Variants in PHACTR3 observed in about 807,000 individuals in gnomAD.
PHACTR3 encodes the protein protein phosphatase 1, regulatory subunit 123.
In PHACTR3, 16 loss-of-function variants were observed where a neutral mutation model predicts 66.8. That is an observed-to-expected ratio of 0.24 (90% CI 0.16 to 0.36). The LOEUF is 0.36. PHACTR3 is among the 10% of genes least tolerant of loss of function. PHACTR3 has a pLI of 1.00. For synonymous variants in PHACTR3, 323 were observed against 292.1 expected (o/e 1.11, Z -1.08); for missense variants, 647 against 719.9 (o/e 0.90, Z 1.16).
chr20:59,836,556 G>A lies in PHACTR3; in HGVS notation c.1380G>A (p.Leu460=), dbSNP rs2058970087. 1.9e-6 allele frequency: 3 copies of A among 1,610,878 alleles called. No individual in the cohort carries two copies. In the African/African-American group the frequency reaches 4.0e-5, roughly 22 times the overall value. ...AVEELERRNI[L]KQRNDQTEQE... is the part of the protein sequence containing the mutation. ...AAGAGCTGGAGAGAAGAAATATCTT[G>A]AAACGTGAGTAGCTGGTGATTCCTC... The change falls in exon 9 of 13, where the codon TTG becomes TTA. Residue 460 remains leucine (L), a synonymous_variant. Transcript: ENST00000371015.
intron 3 of PHACTR3, among the ~76,000 whole-genome samples, chr20:59,749,679 C>T (rs2039507528): frequency 6.6e-6 from 1 of 152,226 alleles, no homozygotes; most frequent in South Asian, 2.1e-4. Context: ...GTTGCAACTA[C>T]TTGTCTCTGC....
intron 5 of PHACTR3, among the ~76,000 whole-genome samples, chr20:59,769,807 C>T (rs572224374): frequency 7.5e-4 from 115 of 152,366 alleles, no homozygotes; most frequent in African/African-American, 2.7e-3. Flanking sequence ...CTTTCTGCAT[C>T]TTTCTACATC....
At chr20:59,805,199 A>G (rs764215681) in intron 7 of PHACTR3, among the ~76,000 whole-genome samples, 1 of 152,158 alleles carries the variant, frequency 6.6e-6, no homozygotes, top group Non-Finnish European at 1.5e-5. Context: ...AGTAAATATA[A>G]ACATTCCATT....
At chr20:59,616,134 C>T (rs2034016537) in intron 1 of PHACTR3, among the ~76,000 whole-genome samples, 1 of 151,964 alleles carries the variant, frequency 6.6e-6, no homozygotes. Flanking sequence ...TTCCCATCTG[C>T]AGAATGAGGA....
Position 59,820,970 on chromosome 20 carries a change from A to C in PHACTR3, c.1328+14776A>C, listed in dbSNP as rs2042015088. Among the ~76,000 whole-genome samples the C allele has an allele frequency of 1.3e-5, 2 of 152,166 alleles. No homozygotes were observed. Among genetic ancestry groups the C allele is most frequent in the Non-Finnish European group, 2.9e-5 (2 of 68,032 alleles). On this transcript the variant is annotated intron_variant, in intron 8 of 12. Transcript: ENST00000371015. This position sits in a 1 kb window ranked among gnomAD's most constrained non-coding sequence, Gnocchi z 4.6. ...TGCTTGCAGGGACTAAATACCACAC[A>C]GTCCTGCTTCACCCAGGATCGGGGC...
intron 1 of PHACTR3, among the ~76,000 whole-genome samples, chr20:59,663,850 G>A (rs544662947): frequency 2.0e-5 from 3 of 152,348 alleles, no homozygotes; most frequent in East Asian, 1.9e-4. Context: ...ATGGTTGCAC[G>A]TGCTTGGCAA....
intron 7 of PHACTR3, among the ~76,000 whole-genome samples, chr20:59,794,527 G>A (rs1014036520): frequency 6.6e-6 from 1 of 152,018 alleles, no homozygotes; most frequent in Non-Finnish European, 1.5e-5. Flanking sequence ...TCCTTATCTG[G>A]TCTTAGTAAC....
At chr20:59,838,379 C>T (rs1282639365) in intron 9 of PHACTR3, among the ~76,000 whole-genome samples, 2 of 152,116 alleles carry the variant, frequency 1.3e-5, no homozygotes, top group Non-Finnish European at 2.9e-5. Context: ...TTTGTATTTG[C>T]TTCAAGGGGG....
At chr20:59,672,737 C>T (rs2036237897) in intron 1 of PHACTR3, among the ~76,000 whole-genome samples, 1 of 152,236 alleles carries the variant, frequency 6.6e-6, no homozygotes, top group Admixed American at 6.5e-5. Flanking sequence ...CTTGCGGCCT[C>T]CTTCCCTCCA....
At chr20:59,744,980 A>G (rs1187471668) in intron 2 of PHACTR3, among the ~76,000 whole-genome samples, 2 of 152,226 alleles carry the variant, frequency 1.3e-5, no homozygotes, top group African/African-American at 2.4e-5. Flanking sequence ...TGCATCTGGC[A>G]GGGCCCCTTG....
intron 1 of PHACTR3, among the ~76,000 whole-genome samples, chr20:59,722,211 A>G (rs1393676825): frequency 4.0e-5 from 6 of 151,508 alleles, no homozygotes; most frequent in East Asian, 2.0e-4. Context: ...CAGCCTGGGC[A>G]GCAGAGTGAG....
rs140643427 is a variant in PHACTR3 at position 59,659,888 on chromosome 20, G to C, written c.118+54756G>C. Among the ~76,000 whole-genome samples the C allele has an allele frequency of 8.9e-3, 1,362 of 152,230 alleles. 27 individuals are homozygous for C. Among genetic ancestry groups the C allele is most frequent in the African/African-American group, 0.031 (1,281 of 41,520 alleles). On this transcript the variant is annotated intron_variant, in intron 1 of 12. Transcript: ENST00000371015. ...AGATGCAGGGGTCACAGAGAGCTAC[G>C]TTTGTTTTCTAGTCCCACTGGAGTG...
intron 1 of PHACTR3, among the ~76,000 whole-genome samples, chr20:59,695,143 CG>C (rs2037250657): frequency 6.6e-6 from 1 of 152,094 alleles, no homozygotes; most frequent in African/African-American, 2.4e-5. Context: ...ATTTTTCCTA[CG>C]GGTACCTGTG....
chr20:59,767,161 ACT>A (rs1373508640), intron 4 of PHACTR3, 23 bp from the exon 5 acceptor site: 9 of 1,612,860 alleles, frequency 5.6e-6, no homozygotes, highest in African/African-American at 4.0e-5. Context: ...CATGTTTTTA[ACT>A]CTCTGCTTTG....
chr20:59,716,527 A>G (rs2038098200), intron 1 of PHACTR3, among the ~76,000 whole-genome samples: 1 of 146,164 alleles, frequency 6.8e-6, no homozygotes, highest in Admixed American at 7.1e-5. Context: ...TACAGGCATG[A>G]TCCACTGCAC....
At chr20:59,617,947 G>A (rs1347204061) in intron 1 of PHACTR3, among the ~76,000 whole-genome samples, 2 of 152,202 alleles carry the variant, frequency 1.3e-5, no homozygotes, top group African/African-American at 4.8e-5. Context: ...TGATGGGCTT[G>A]GATCACATCA....
chr20:59,733,613 T>C (rs2038845291), intron 1 of PHACTR3, among the ~76,000 whole-genome samples: 1 of 151,932 alleles, frequency 6.6e-6, no homozygotes, highest in African/African-American at 2.4e-5. Flanking sequence ...AGGGGCGGAG[T>C]TGTCAAAGAG....
intron 4 of PHACTR3, among the ~76,000 whole-genome samples, chr20:59,756,456 G>A (rs925395731): frequency 1.2e-4 from 18 of 152,260 alleles, no homozygotes; most frequent in African/African-American, 3.8e-4. Flanking sequence ...CACACTCGCA[G>A]GCCGCCCGTC....
At chr20:59,614,676 C>G (rs1394367021) in intron 1 of PHACTR3, among the ~76,000 whole-genome samples, 1 of 152,184 alleles carries the variant, frequency 6.6e-6, no homozygotes, top group Non-Finnish European at 1.5e-5. Context: ...ATTGGTCTTG[C>G]AATACTCTTC....
Sources: allele counts gnomAD v4.1 joint callset (sites outside exome capture counted in the v4.1 genomes callset), GRCh38; gene constraint gnomAD v4.1.1; non-coding constraint Gnocchi (gnomAD v3.1); transcripts MANE v1.5; gene names NCBI Gene and HGNC (gene_info 2026-07-23, HGNC 2026-07-21).